Variants in FRMD4B observed in about 807,000 individuals in gnomAD.
The protein encoded by FRMD4B is FERM domain-containing protein 4B.
In FRMD4B, 74 loss-of-function variants were observed where a neutral mutation model predicts 141.5. The observed-to-expected ratio is 0.52, with a 90% CI of 0.43 to 0.63. The LOEUF (loss-of-function observed/expected upper bound fraction) is 0.63, where lower values mean the gene tolerates loss of function less well. Among genes scored for constraint, FRMD4B ranks in the 30% least tolerant of loss-of-function variants. The pLI, the probability that FRMD4B is intolerant of heterozygous loss-of-function variation, is 0.00. For missense variants in FRMD4B, 1,366 were observed against 1,253.4 expected, an observed-to-expected ratio of 1.09 and a Z score of -1.36; for synonymous variants, 506 against 467.9, an observed-to-expected ratio of 1.08 and a Z score of -1.05.
Position 69,249,089 on chromosome 3 carries a change from A to G in FRMD4B, c.581+137T>C, listed in dbSNP as rs2093444863. 1.4e-5 allele frequency: 8 copies of G among 585,374 alleles called. No homozygotes were observed. In the East Asian group the frequency reaches 2.7e-4, roughly 19 times the overall value. The allele number at this position is 585,374 out of a possible 1,614,324, so 36.3% of individuals were successfully genotyped here. On this transcript the variant is annotated intron_variant, in intron 7 of 22. Transcript: ENST00000398540. ...ACAAAAAGAATAGGTCTCTATTTGA[A>G]GAGCGAAGAGATCTCAGTCTCCTGC...
intron 1 of FRMD4B, among the ~76,000 whole-genome samples, chr3:69,447,413 A>G (rs1705425586): frequency 6.6e-6 from 1 of 152,208 alleles, no homozygotes; most frequent in Non-Finnish European, 1.5e-5. Flanking sequence ...ATATTGAAGA[A>G]GGCATTTAAA....
chr3:69,361,179 C>G (rs554408361), intron 1 of FRMD4B, among the ~76,000 whole-genome samples: 37 of 152,034 alleles, frequency 2.4e-4, no homozygotes, highest in Non-Finnish European at 4.6e-4. Flanking sequence ...ATTTTCTTTA[C>G]TGATATTCAG....
intron 1 of FRMD4B, among the ~76,000 whole-genome samples, chr3:69,373,241 A>G (rs1273301240): frequency 1.3e-5 from 2 of 152,246 alleles, no homozygotes; most frequent in African/African-American, 4.8e-5. Context: ...AGTTTATCAA[A>G]TCCAGCTATG....
In FRMD4B at chr3:69,392,678, G is replaced by A. The variant is rs112874924; in HGVS notation, c.-1+39956C>T. Among the ~76,000 whole-genome samples, 150 of 152,254 alleles carry A rather than the reference G, an allele frequency of 9.9e-4. 1 individual carries two copies. The highest frequency in any genetic ancestry group is 3.4e-3 in the African/African-American group (142 of 41,544). Reference sequence around the variant, plus strand: ...GGCCTTCACACACAGAATGGGGTAAGAGGTTGGTGGGCAAAAGTGCCACCC... The same window carrying A: ...GGCCTTCACACACAGAATGGGGTAAAAGGTTGGTGGGCAAAAGTGCCACCC... On this transcript the variant is annotated intron_variant, in intron 2 of 5. Transcript: ENST00000459638.
chr3:69,441,734 G>A (rs1255265449), intron 1 of FRMD4B, among the ~76,000 whole-genome samples: 2 of 152,132 alleles, frequency 1.3e-5, no homozygotes, highest in Non-Finnish European at 2.9e-5. Context: ...AACTCACGTG[G>A]ATCTCCCCTA....
Position 69,196,278 on chromosome 3 carries a change from C to T in FRMD4B, c.1211G>A (p.Ser404Asn), listed in dbSNP as rs113629932. The T allele has an allele frequency of 1.7e-3, 2,746 of 1,605,646 alleles. 45 individuals carry two copies. The African/African-American group carries it at 0.033, about 19-fold the overall frequency. ...LETKSQFIMASNGSLISSGSQ... is the reference protein window; with the variant it reads ...LETKSQFIMANNGSLISSGSQ... Reference sequence around the variant, plus strand: ...ACCTGAGGAGATTAAACTGCCATTACTTGCCATGATGAACTGACTTTTCGT... The same window carrying T: ...ACCTGAGGAGATTAAACTGCCATTATTTGCCATGATGAACTGACTTTTCGT... Residue 404 changes from serine (S) to asparagine (N), a missense_variant, in exon 14 of 23, where the codon AGT (serine) becomes AAT (asparagine). Ser to Asn is a conservative substitution (Grantham distance 46). Coordinates refer to ENST00000398540, the MANE Select transcript of FRMD4B (RefSeq NM_015123.3).
At chr3:69,367,743 GCT>G (rs1181172150) in intron 1 of FRMD4B, among the ~76,000 whole-genome samples, 1 of 152,064 alleles carries the variant, frequency 6.6e-6, no homozygotes, top group African/African-American at 2.4e-5. Context: ...TCACTGCTTT[GCT>G]ATTTGAAATA....
chr3:69,539,063 G>A (rs1701125911), intron 1 of FRMD4B, among the ~76,000 whole-genome samples: 1 of 152,112 alleles, frequency 6.6e-6, no homozygotes, highest in African/African-American at 2.4e-5. Context: ...TCAGATCTCT[G>A]GGGCAGATTT....
chr3:69,216,986 A>T (rs1048328300), intron 10 of FRMD4B, among the ~76,000 whole-genome samples: 1 of 146,154 alleles, frequency 6.8e-6, no homozygotes, highest in African/African-American at 2.5e-5. Context: ...TTATCCATTA[A>T]AAAAAAAAAA....
Position 69,181,582 on chromosome 3 carries a change from GTGC to G in FRMD4B, c.2165_2167del (p.Ser722del). The G allele has an allele frequency of 6.2e-7, 1 of 1,613,864 alleles. No individual in the cohort carries two copies. The highest frequency in any genetic ancestry group is 8.5e-7 in the Non-Finnish European group (1 of 1,179,804). Reference sequence around the variant, plus strand: ...AGAAGACCCGTCATCGAGGATTTCTGTGCTGCTGCTTCTTTGGGATTTGGAGAG... The same window carrying G: ...AGAAGACCCGTCATCGAGGATTTCTGTGCTGCTTCTTTGGGATTTGGAGAG... On this transcript the variant is annotated inframe_deletion, in exon 21 of 23. Coordinates refer to ENST00000398540, the MANE Select transcript of FRMD4B (RefSeq NM_015123.3).
chr3:69,514,498 T>C (rs1347219542), intron 1 of FRMD4B, among the ~76,000 whole-genome samples: 1 of 152,030 alleles, frequency 6.6e-6, no homozygotes, highest in Non-Finnish European at 1.5e-5. Context: ...AAGACCAGCC[T>C]GGCCAATGGG....
At chr3:69,314,878 G>T (rs572275714) in intron 1 of FRMD4B, among the ~76,000 whole-genome samples, 9 of 151,866 alleles carry the variant, frequency 5.9e-5, no homozygotes, top group African/African-American at 2.2e-4. Context: ...TGTGTTTAAC[G>T]TCTCTCTGGG....
intron 5 of FRMD4B, among the ~76,000 whole-genome samples, chr3:69,282,949 A>C (rs181131953): frequency 1.3e-5 from 2 of 152,246 alleles, no homozygotes; most frequent in Admixed American, 1.3e-4. Flanking sequence ...CTGCATAATA[A>C]TTAGATAGAA....
intron 3 of FRMD4B, among the ~76,000 whole-genome samples, chr3:69,308,205 T>C (rs1437437997): frequency 2.0e-5 from 3 of 152,164 alleles, no homozygotes; most frequent in Non-Finnish European, 4.4e-5. Flanking sequence ...CCTGATTTAA[T>C]AGTATTGAAT....
chr3:69,425,275 C>T (rs1246631884), intron 2 of FRMD4B, among the ~76,000 whole-genome samples: 1 of 152,136 alleles, frequency 6.6e-6, no homozygotes, highest in Admixed American at 6.5e-5. Context: ...AATTCTATTG[C>T]CATAAGAAAC....
At chr3:69,458,421 A>C (rs1431979138) in intron 1 of FRMD4B, among the ~76,000 whole-genome samples, 2 of 152,200 alleles carry the variant, frequency 1.3e-5, no homozygotes, top group African/African-American at 2.4e-5. Context: ...GTCTAGTCTG[A>C]GATTTAGCAT....
At chr3:69,264,341 C>T (rs372136052) in intron 5 of FRMD4B, among the ~76,000 whole-genome samples, 1 of 152,168 alleles carries the variant, frequency 6.6e-6, no homozygotes, top group African/African-American at 2.4e-5. Flanking sequence ...CTAGAACACT[C>T]CCTGGCACAC....
chr3:69,344,538 C>G (rs537383545), intron 1 of FRMD4B, among the ~76,000 whole-genome samples: 24 of 152,338 alleles, frequency 1.6e-4, no homozygotes, highest in African/African-American at 5.8e-4. Flanking sequence ...AATGTGGATT[C>G]TGAAGACTGA....
chr3:69,254,792 A>G (rs867701704), intron 5 of FRMD4B, among the ~76,000 whole-genome samples: 5 of 152,172 alleles, frequency 3.3e-5, no homozygotes, highest in Admixed American at 1.3e-4. Context: ...ACAGAGGTGG[A>G]AAGAGATGTG....
Sources: gnomAD v4.1 joint callset for allele counts (sites outside exome capture counted in the v4.1 genomes callset) on GRCh38, gnomAD v4.1.1 for gene constraint, MANE v1.5 for transcripts, NCBI Gene and HGNC (gene_info 2026-07-23, HGNC 2026-07-21) for gene names.